COBL: variants seen among roughly 807,000 people sequenced by gnomAD.
COBL encodes the protein cordon-bleu WH2 repeat protein.
In COBL, 51 loss-of-function variants were observed where a neutral mutation model predicts 98.8. The observed-to-expected ratio is 0.52, with a 90% CI of 0.41 to 0.65. The LOEUF is 0.65. Among genes scored for constraint, COBL ranks in the 30% least tolerant of loss-of-function variants. The probability of loss-of-function intolerance (pLI) is 0.00; values close to 1 mark genes in which losing one functional copy is unlikely to be tolerated. For missense variants in COBL, 1,617 were observed against 1,617.5 expected (o/e 1.00, Z 0.01); for synonymous variants, 634 against 651.7 (o/e 0.97, Z 0.41).
rs757564997 is a variant in COBL, at chr7:51,190,904, T to G, written c.631A>C (p.Lys211Gln). Residue 211 changes from lysine (K) to glutamine (Q), a missense_variant, in exon 4 of 13, where the codon AAG (lysine) becomes CAG (glutamine). Around this residue, in one of 3 missense-constraint regions of COBL, gnomAD observed 75 missense variants for 120.5 expected, o/e 0.62. Transcript: ENST00000265136. ...NIAGEELELS[K>Q]SLNELGIKEL... ...TTTATCCCGAGCTCGTTCAGGGACT[T>G]GGACAGCTCCAGCTCCTCTCCGGCA... The G allele has an allele frequency of 1.2e-6, 2 of 1,614,146 alleles. No homozygotes were observed. The highest frequency in any genetic ancestry group is 8.5e-7 in the Non-Finnish European group (1 of 1,180,014).
At chr7:51,291,273 C>T (rs995823725) in intron 1 of COBL, among the ~76,000 whole-genome samples, 2 of 152,170 alleles carry the variant, frequency 1.3e-5, no homozygotes, top group Non-Finnish European at 2.9e-5. Flanking sequence ...TTCACAGAGT[C>T]ACCAGAAAGG....
chr7:51,271,852 G>A (rs981783782), intron 1 of COBL, among the ~76,000 whole-genome samples: 3 of 152,174 alleles, frequency 2.0e-5, no homozygotes, highest in Non-Finnish European at 4.4e-5. Flanking sequence ...CCAACATGGT[G>A]AAACCCCATA....
At chr7:51,153,714 G>A (rs2129025880) in intron 5 of COBL, among the ~76,000 whole-genome samples, 2 of 152,364 alleles carry the variant, frequency 1.3e-5, no homozygotes, top group Middle Eastern at 6.8e-3. Flanking sequence ...GGAAGCTGCT[G>A]TGGTAAGGAG....
Position 51,029,589 on chromosome 7 carries a change from T to A in COBL, c.1507A>T (p.Met503Leu). The A allele has an allele frequency of 6.3e-7, 1 of 1,585,236 alleles. No homozygotes were observed. Among genetic ancestry groups the A allele is most frequent in the Non-Finnish European group, 8.6e-7 (1 of 1,160,222 alleles). Residue 503 changes from methionine to leucine, a missense_variant and splice_region_variant, in exon 10 of 13, where the codon ATG (methionine) becomes TTG (leucine). By Grantham distance (15) the Met-to-Leu change is conservative. This residue lies in a region of COBL where 1,304 missense variants were observed against 1,282.0 expected (regional missense o/e 1.02). Transcript: ENST00000265136. ...GTGTCTGTTTCATAGCTGTCTTCCATTTCTGCAAAGAGGGACAAACACAAA... is the reference window on the plus strand; with the variant it reads ...GTGTCTGTTTCATAGCTGTCTTCCAATTCTGCAAAGAGGGACAAACACAAA... Reference protein sequence around the residue: ...LAELDEDLEEMEDSYETDTSS... With the variant: ...LAELDEDLEELEDSYETDTSS...
At chr7:51,255,029 C>A (rs1206640233) in intron 1 of COBL, among the ~76,000 whole-genome samples, 1 of 152,186 alleles carries the variant, frequency 6.6e-6, no homozygotes, top group African/African-American at 2.4e-5. Flanking sequence ...CAAGCTGCTA[C>A]CCAAACATAT....
chr7:51,050,626 G>A (rs1422483564), intron 7 of COBL, among the ~76,000 whole-genome samples: 1 of 152,188 alleles, frequency 6.6e-6, no homozygotes, highest in South Asian at 2.1e-4. Context: ...TGGTCCAATC[G>A]GGCTGGAATA....
At chr7:51,275,866 T>A (rs1194647393) in intron 1 of COBL, among the ~76,000 whole-genome samples, 5 of 152,214 alleles carry the variant, frequency 3.3e-5, no homozygotes, top group Non-Finnish European at 7.3e-5. Context: ...GCTGTAGGCC[T>A]CTCTCTCCCC....
intron 1 of COBL, among the ~76,000 whole-genome samples, chr7:51,273,156 C>A (rs895190908): frequency 1.3e-5 from 2 of 151,784 alleles, no homozygotes; most frequent in African/African-American, 4.8e-5. Flanking sequence ...TGGTGAAACC[C>A]CACCTCTACT....
rs141334796 is a variant in COBL, at chr7:51,120,090, T to C, written c.957+16068A>G. Among the ~76,000 whole-genome samples, 451 of 152,288 alleles carry C rather than the reference T, an allele frequency of 3.0e-3. 3 individuals are homozygous for C. The highest frequency in any genetic ancestry group is 0.01 in the African/African-American group (424 of 41,574). ...AGTCCTGTTTGGCAATCTTAATATATTGAAATAAGTAAATATAATAAATAT... is the reference window on the plus strand; with the variant it reads ...AGTCCTGTTTGGCAATCTTAATATACTGAAATAAGTAAATATAATAAATAT... On this transcript the variant is annotated intron_variant, in intron 6 of 12. Coordinates refer to ENST00000265136, the MANE Select transcript of COBL (RefSeq NM_015198.5).
chr7:51,302,834 T>C (rs1410721331), intron 1 of COBL, among the ~76,000 whole-genome samples: 2 of 152,178 alleles, frequency 1.3e-5, no homozygotes, highest in African/African-American at 4.8e-5. Context: ...TAAATTACCA[T>C]TTTTAAAGAT....
chr7:51,076,166 T>C (rs1793054329), intron 7 of COBL, among the ~76,000 whole-genome samples: 1 of 152,216 alleles, frequency 6.6e-6, no homozygotes, highest in Non-Finnish European at 1.5e-5. Flanking sequence ...TTCATGGGTG[T>C]TTCCCACAAC....
At chr7:51,137,415 T>C (rs1799341750) in intron 5 of COBL, among the ~76,000 whole-genome samples, 1 of 152,126 alleles carries the variant, frequency 6.6e-6, no homozygotes, top group Non-Finnish European at 1.5e-5. Context: ...AATGAGTGAC[T>C]GGATGTAAAA....
At chr7:51,103,874 A>G (rs1032783991) in intron 6 of COBL, among the ~76,000 whole-genome samples, 5 of 152,246 alleles carry the variant, frequency 3.3e-5, no homozygotes, top group African/African-American at 4.8e-5. Context: ...CTCAAATCAG[A>G]GGGGTGCCCT....
At chr7:51,138,162 T>G (rs998153288) in intron 5 of COBL, among the ~76,000 whole-genome samples, 2 of 152,068 alleles carry the variant, frequency 1.3e-5, no homozygotes, top group African/African-American at 4.8e-5. Context: ...GGTGCAGAGT[T>G]CCCATAGGAA....
intron 6 of COBL, among the ~76,000 whole-genome samples, chr7:51,132,486 C>CCAGG (rs1798836887): frequency 6.6e-6 from 1 of 152,186 alleles, no homozygotes; most frequent in African/African-American, 2.4e-5. Context: ...GGATGCCCAC[C>CCAGG]CAGGCATCTG....
intron 7 of COBL, among the ~76,000 whole-genome samples, chr7:51,069,153 C>T (rs1459180835): frequency 1.3e-5 from 2 of 152,068 alleles, no homozygotes; most frequent in Non-Finnish European, 2.9e-5. Context: ...GGTGCAGATT[C>T]GGGGTTTGCC....
At chr7:51,189,725 A>G (rs1375609274) in intron 4 of COBL, among the ~76,000 whole-genome samples, 1 of 152,248 alleles carries the variant, frequency 6.6e-6, no homozygotes, top group South Asian at 2.1e-4. Context: ...GAATATGTAT[A>G]TATTTTTTAA....
At chr7:51,186,071 C>T (rs778895570) in intron 4 of COBL, among the ~76,000 whole-genome samples, 3 of 152,214 alleles carry the variant, frequency 2.0e-5, no homozygotes, top group African/African-American at 4.8e-5. Flanking sequence ...TGTGCAAACG[C>T]GCTGTAAAGT....
intron 1 of COBL, among the ~76,000 whole-genome samples, chr7:51,303,543 T>C (rs1254608896): frequency 6.6e-6 from 1 of 152,202 alleles, no homozygotes; most frequent in Non-Finnish European, 1.5e-5. Context: ...GTCATTACTT[T>C]CCTCTAGCAA....
Sources: allele counts gnomAD v4.1 joint callset (sites outside exome capture counted in the v4.1 genomes callset), GRCh38; gene constraint gnomAD v4.1.1; regional missense constraint gnomAD v4.1.1; transcripts MANE v1.5; gene names NCBI Gene and HGNC (gene_info 2026-07-23, HGNC 2026-07-21).